Variants in EMC2 observed in about 807,000 individuals in gnomAD.
The protein encoded by EMC2 is TPR repeat protein 35.
EMC2 carries 37 observed loss-of-function variants against 51.6 expected under a neutral mutation model. The ratio of observed to expected loss-of-function variants is 0.72; its 90% CI spans 0.55 to 0.94. EMC2 has a LOEUF of 0.94. EMC2 is among the 40% of genes least tolerant of loss of function. The probability of loss-of-function intolerance (pLI) is 0.00; values close to 1 mark genes in which losing one functional copy is unlikely to be tolerated. For missense variants in EMC2, 359 were observed against 350.9 expected, an observed-to-expected ratio of 1.02 and a Z score of -0.18; for synonymous variants, 131 against 112.4, an observed-to-expected ratio of 1.17 and a Z score of -1.04.
In EMC2 at chr8:108,449,888, G is replaced by A. The variant is rs1296168349; in HGVS notation, c.106G>A (p.Val36Ile). The A allele has an allele frequency of 1.3e-6, 2 of 1,595,964 alleles. No homozygotes were observed. The highest frequency in any genetic ancestry group is 4.5e-5 in the East Asian group (2 of 44,634). ...AAGAAATAGTGAGCAAATTGTGGAA[G>A]TTGGAGAAGAATTAATTAATGAATA... ...NSRNSEQIVE[V>I]GEELINEYAS... The change falls in exon 2 of 11, where the codon GTT becomes ATT. Residue 36 changes from valine (V) to isoleucine (I), a missense_variant. Physicochemically the swap from Val to Ile is conservative, Grantham distance 29. Transcript: ENST00000220853.
At position 108,479,124 on chromosome 8, in the gene EMC2, G is replaced by C; in HGVS notation, c.807+14G>C. On this transcript the variant is annotated intron_variant, in intron 10 of 10. Coordinates refer to ENST00000220853, the MANE Select transcript of EMC2 (RefSeq NM_014673.5). ...AGAGCTTATCAGGTTAGTATTTATT[G>C]ATCATTTTGCTATGTAGGTCAGTTA... The C allele has an allele frequency of 1.4e-6, 2 of 1,434,324 alleles. No individual in the cohort carries two copies. The highest frequency in any genetic ancestry group is 1.9e-6 in the Non-Finnish European group (2 of 1,056,954). 88.8% of individuals were successfully genotyped at this position (1,434,324 alleles called of 1,614,324 possible). A position where few individuals can be genotyped will look rare whatever the true frequency, so the allele number is the denominator to read the frequency against.
rs12334571 is a variant in EMC2 at position 108,461,182 on chromosome 8, T to G, written c.363+5252T>G. Among the ~76,000 whole-genome samples, 1,371 of 152,254 alleles carry G rather than the reference T, an allele frequency of 9.0e-3. 27 individuals carry two copies. Among genetic ancestry groups the G allele is most frequent in the African/African-American group, 0.031 (1,291 of 41,578 alleles). ...TTCTCATTTACTGTTGCTCCCTGCATTGTTGAAAAGTGATCACGTGACCTT... is the reference window on the plus strand; with the variant it reads ...TTCTCATTTACTGTTGCTCCCTGCAGTGTTGAAAAGTGATCACGTGACCTT... On this transcript the variant is annotated intron_variant, in intron 5 of 10. Coordinates refer to ENST00000220853, the MANE Select transcript of EMC2 (RefSeq NM_014673.5).
At chr8:108,466,124 A>G (rs1281844687) in intron 5 of EMC2, among the ~76,000 whole-genome samples, 3 of 152,222 alleles carry the variant, frequency 2.0e-5, no homozygotes, top group Non-Finnish European at 4.4e-5. Context: ...ATACAAGGTC[A>G]TAGAGAAGTT....
intron 4 of EMC2, among the ~76,000 whole-genome samples, chr8:108,454,412 A>G (rs569776787): frequency 3.3e-5 from 5 of 152,086 alleles, no homozygotes; most frequent in African/African-American, 1.2e-4. Flanking sequence ...AGAGTTTGCA[A>G]TATATATTTA....
intron 5 of EMC2, among the ~76,000 whole-genome samples, chr8:108,458,868 A>G (rs917356675): frequency 6.6e-6 from 1 of 152,130 alleles, no homozygotes. Context: ...TTACTTTTCT[A>G]TTGCATTGTC....
At chr8:108,461,818 C>T (rs541005300) in intron 5 of EMC2, among the ~76,000 whole-genome samples, 1 of 152,084 alleles carries the variant, frequency 6.6e-6, no homozygotes, top group African/African-American at 2.4e-5. Flanking sequence ...GGTCCTCCTT[C>T]TCTTAGGGAA....
intron 5 of EMC2, among the ~76,000 whole-genome samples, chr8:108,462,491 T>C (rs1217359106): frequency 6.6e-6 from 1 of 152,146 alleles, no homozygotes; most frequent in Non-Finnish European, 1.5e-5. Flanking sequence ...GATGAATCTT[T>C]AGAGGTGAAA....
At position 108,450,449 on chromosome 8, in the gene EMC2, T is replaced by G. The variant is rs748309339; in HGVS notation, c.176T>G (p.Val59Gly). 13 of 1,602,670 alleles carry G rather than the reference T, an allele frequency of 8.1e-6. No individual in the cohort carries two copies. The highest frequency in any genetic ancestry group is 1.1e-5 in the Non-Finnish European group (13 of 1,169,774). ...CTAGTTTGGATCATATATGAACAGG[T>G]GATGATTGCAGCACTAGACTATGGT... ...GDDIWIIYEQ[V>G]MIAALDYGRD... is the part of the protein sequence containing the mutation. The change falls in exon 3 of 11, where the codon GTG becomes GGG. Residue 59 changes from valine (V) to glycine (G), a missense_variant. Val to Gly is a moderately radical substitution (Grantham distance 109). Transcript: ENST00000220853.
chr8:108,453,503 A>G (rs148751646), intron 4 of EMC2, among the ~76,000 whole-genome samples: 378 of 152,082 alleles, frequency 2.5e-3, no homozygotes, highest in African/African-American at 8.4e-3. Context: ...TATTTTCTAA[A>G]TGGTGCCTTG....
chr8:108,487,681 T>C lies in EMC2; in HGVS notation c.*1083T>C, dbSNP rs902152599. ...ATATACAGAGGCATCTACAGACTTG[T>C]CATTGCTGCTTTGGACAAGTGGGGA... On this transcript the variant is annotated 3_prime_UTR_variant, in exon 11 of 11. Coordinates refer to ENST00000220853, the MANE Select transcript of EMC2 (RefSeq NM_014673.5). Among the ~76,000 whole-genome samples the C allele has an allele frequency of 2.0e-5, 3 of 152,112 alleles. No individual in the cohort carries two copies. The highest frequency in any genetic ancestry group is 2.9e-5 in the Non-Finnish European group (2 of 67,994).
chr8:108,459,375 C>G (rs1330768878), intron 5 of EMC2, among the ~76,000 whole-genome samples: 2 of 152,122 alleles, frequency 1.3e-5, no homozygotes. Flanking sequence ...TAAAGACATA[C>G]CCGAGAAGAC....
chr8:108,445,688 T>G (rs1818862197), intron 1 of EMC2, among the ~76,000 whole-genome samples: 1 of 152,158 alleles, frequency 6.6e-6, no homozygotes, highest in African/African-American at 2.4e-5. Context: ...ATTGAAGCAC[T>G]TACCCAATTG....
At chr8:108,452,947 A>G (rs992832162) in intron 3 of EMC2, 115 bp from the exon 4 acceptor site, 192 of 467,344 alleles carry the variant, frequency 4.1e-4, no homozygotes, top group Middle Eastern at 3.1e-4. Flanking sequence ...ACTTCATGTT[A>G]TTAGATGACA....
chr8:108,445,767 C>G (rs1219482667), intron 1 of EMC2, among the ~76,000 whole-genome samples: 2 of 152,178 alleles, frequency 1.3e-5, no homozygotes, highest in East Asian at 3.8e-4. Context: ...CTGTCACTTC[C>G]CTAGAGCCTG....
intron 10 of EMC2, among the ~76,000 whole-genome samples, chr8:108,486,092 C>A (rs1811132740): frequency 6.6e-6 from 1 of 151,764 alleles, no homozygotes; most frequent in Non-Finnish European, 1.5e-5. Flanking sequence ...TTGTATTGTA[C>A]CTTTGTTTGA....
chr8:108,463,372 A>T (rs11993996), intron 5 of EMC2, among the ~76,000 whole-genome samples: 103,968 of 152,004 alleles, frequency 0.68, 36,123 homozygotes, highest in African/African-American at 0.81. Flanking sequence ...TATGTTACTC[A>T]AGTACCAGTT....
chr8:108,445,637 C>T (rs1818860677), intron 1 of EMC2, among the ~76,000 whole-genome samples: 1 of 150,968 alleles, frequency 6.6e-6, no homozygotes, highest in African/African-American at 2.4e-5. Context: ...AGCAACAAAA[C>T]ACACCTGCAA....
In EMC2 at chr8:108,443,713, G is replaced by C. The variant is rs3737503; in HGVS notation, c.40+15G>C. Reference sequence around the variant, plus strand: ...CACTTGGGAAGGTAACTTCGGGTGGGGGCGGGTGCGGAAAGACTAAAAGCG... The same window carrying C: ...CACTTGGGAAGGTAACTTCGGGTGGCGGCGGGTGCGGAAAGACTAAAAGCG... On this transcript the variant is annotated intron_variant, in intron 1 of 10. Coordinates refer to ENST00000220853, the MANE Select transcript of EMC2 (RefSeq NM_014673.5). 72 of 1,603,348 alleles carry C rather than the reference G, an allele frequency of 4.5e-5. No homozygotes were observed. In the East Asian group the frequency reaches 1.5e-3, roughly 33 times the overall value.
intron 5 of EMC2, among the ~76,000 whole-genome samples, chr8:108,460,033 ACTTATTT>A (rs879283147): frequency 2.6e-5 from 4 of 152,150 alleles, no homozygotes; most frequent in East Asian, 1.9e-4. Flanking sequence ...TTTCTCCTGT[ACTTATTT>A]CTTATTCTTA....
Sources: allele counts gnomAD v4.1 joint callset (sites outside exome capture counted in the v4.1 genomes callset), GRCh38; gene constraint gnomAD v4.1.1; transcripts MANE v1.5; gene names NCBI Gene and HGNC (gene_info 2026-07-23, HGNC 2026-07-21).